Variants in CCDC14 observed in about 807,000 individuals in gnomAD.
CCDC14 encodes the protein coiled-coil domain containing 14, also known as coiled-coil domain-containing protein 14.
Under a neutral mutation model 81.4 loss-of-function variants are expected in CCDC14, and 71 were observed. The observed-to-expected ratio is 0.87, with a 90% CI of 0.72 to 1.06. The LOEUF is 1.06. Ranked by LOEUF, CCDC14 falls within the 50% of genes least tolerant of loss-of-function variation. CCDC14 has a pLI of 0.00. For missense variants in CCDC14, 1,046 were observed against 1,047.3 expected, an observed-to-expected ratio of 1.00 and a Z score of 0.02; for synonymous variants, 332 against 364.8, an observed-to-expected ratio of 0.91 and a Z score of 1.03.
chr3:123,928,403 G>T (rs2035505160), intron 12 of CCDC14, among the ~76,000 whole-genome samples: 1 of 151,570 alleles, frequency 6.6e-6, no homozygotes, highest in South Asian at 2.1e-4. Flanking sequence ...CTACTGGGGA[G>T]GCTGAGGCAG....
At chr3:123,930,624 G>A (rs2035638591) in intron 12 of CCDC14, 2 of 152,532 alleles carry the variant, frequency 1.3e-5, no homozygotes, top group African/African-American at 2.4e-5. Flanking sequence ...TGCTGAAAGA[G>A]GCTGACTTAC....
intron 9 of CCDC14, among the ~76,000 whole-genome samples, chr3:123,939,097 G>A (rs964959173): frequency 1.3e-5 from 2 of 151,708 alleles, no homozygotes; most frequent in Non-Finnish European, 2.9e-5. Flanking sequence ...AGGAGTTCAA[G>A]GGTGTTAAAC....
Position 123,956,028 on chromosome 3 carries a change from G to T in CCDC14, c.229+18C>A, listed in dbSNP as rs1447539630. 2.6e-6 allele frequency: 4 copies of T among 1,520,192 alleles called. No individual in the cohort carries two copies. The highest frequency in any genetic ancestry group is 2.2e-5 in the Admixed American group (1 of 46,162). The allele number at this position is 1,520,192 out of a possible 1,614,324, so 94.2% of individuals were successfully genotyped here. On this transcript the variant is annotated intron_variant, in intron 4 of 12. Transcript: ENST00000409697. ...GACTTGAGATAAGGTGATCAGCAAA[G>T]AATTAAAAAAAAAAAACCTGAATCT...
At chr3:123,923,984 T>C (rs1337621678) in intron 12 of CCDC14, among the ~76,000 whole-genome samples, 2 of 144,804 alleles carry the variant, frequency 1.4e-5, no homozygotes, top group African/African-American at 5.0e-5. Context: ...AAAAAAACCC[T>C]TGAAAAGCCA....
intron 12 of CCDC14, among the ~76,000 whole-genome samples, chr3:123,918,360 A>G (rs2034831132): frequency 6.6e-6 from 1 of 152,148 alleles, no homozygotes; most frequent in Non-Finnish European, 1.5e-5. Flanking sequence ...CTAGGTTATG[A>G]GGAGAGTGAC....
rs538122071 is a variant in CCDC14, at chr3:123,913,671, T to TAA, written c.*1106_*1107dup. On this transcript the variant is annotated 3_prime_UTR_variant, in exon 13 of 13. Coordinates refer to ENST00000409697, the MANE Select transcript of CCDC14 (RefSeq NM_001366335.1). The stretch of plus-strand genomic sequence containing the variant: ...CTTCAAACGCTGTAGCACTAACACC[T>TAA]AAAAAAAAAAAAAAAACCACCAAAA... 3,303 of 896,834 alleles carry TAA rather than the reference T, an allele frequency of 3.7e-3. 12 individuals are homozygous for TAA. Among genetic ancestry groups the TAA allele is most frequent in the African/African-American group, 0.037 (1,766 of 48,370 alleles). The allele number at this position is 896,834 out of a possible 1,614,324, so 55.6% of individuals were successfully genotyped here. A position where few individuals can be genotyped will look rare whatever the true frequency, so the allele number is the denominator to read the frequency against.
chr3:123,940,747 C>T (rs1326647225), intron 9 of CCDC14, among the ~76,000 whole-genome samples: 4 of 151,924 alleles, frequency 2.6e-5, no homozygotes, highest in African/African-American at 9.7e-5. Flanking sequence ...CAGATCTATA[C>T]AAAAAGCTCA....
chr3:123,932,878 C>T (rs1419222921), intron 10 of CCDC14, among the ~76,000 whole-genome samples: 1 of 152,084 alleles, frequency 6.6e-6, no homozygotes, highest in Non-Finnish European at 1.5e-5. Context: ...GTGAGTGGAT[C>T]ACTTGAGGTC....
Position 123,925,444 on chromosome 3 carries a change from C to CT in CCDC14, c.1778+5657dup, listed in dbSNP as rs539628707. On this transcript the variant is annotated intron_variant, in intron 12 of 12. Transcript: ENST00000409697. Reference sequence around the variant, plus strand: ...TCTATTGAACAGTAGGGTGACTATACTTTTTTTTTTAGATGGAGTTTTGTT... The same window carrying CT: ...TCTATTGAACAGTAGGGTGACTATACTTTTTTTTTTTAGATGGAGTTTTGTT... Among the ~76,000 whole-genome samples the CT allele has an allele frequency of 6.1e-5, 9 of 147,888 alleles. No homozygotes were observed. The Admixed American group carries it at 6.1e-4, about 10-fold the overall frequency.
rs2034527736 is a variant in CCDC14 at position 123,914,156 on chromosome 3, G to A, written c.*623C>T. On this transcript the variant is annotated 3_prime_UTR_variant, in exon 13 of 13. Coordinates refer to ENST00000409697, the MANE Select transcript of CCDC14 (RefSeq NM_001366335.1). ...TTTAAAGGCCTTAAAACATGAATTT[G>A]GGATAAAAACAAATAAAAGTGCCCA... 4 of 985,056 alleles carry A rather than the reference G, an allele frequency of 4.1e-6. No homozygotes were observed. The highest frequency in any genetic ancestry group is 4.8e-6 in the Non-Finnish European group (4 of 829,478). The allele number at this position is 985,056 out of a possible 1,614,324, so 61.0% of individuals were successfully genotyped here. A position where few individuals can be genotyped will look rare whatever the true frequency, so the allele number is the denominator to read the frequency against.
chr3:123,919,039 G>A (rs1046653397), intron 12 of CCDC14, among the ~76,000 whole-genome samples: 2 of 152,130 alleles, frequency 1.3e-5, no homozygotes, highest in African/African-American at 4.8e-5. Flanking sequence ...AGAGCATCTG[G>A]TCCCATAAGA....
intron 5 of CCDC14, among the ~76,000 whole-genome samples, chr3:123,949,728 T>C (rs1261192321): frequency 6.6e-6 from 1 of 152,190 alleles, no homozygotes; most frequent in Non-Finnish European, 1.5e-5. Flanking sequence ...TCCAATAACA[T>C]TGTTCATGAA....
At chr3:123,920,030 A>G (rs1392658515) in intron 12 of CCDC14, among the ~76,000 whole-genome samples, 2 of 152,248 alleles carry the variant, frequency 1.3e-5, no homozygotes, top group Non-Finnish European at 2.9e-5. Flanking sequence ...AAAATAATTA[A>G]CAAACAAAAC....
At chr3:123,946,447 G>A (rs2148918196) in intron 8 of CCDC14, among the ~76,000 whole-genome samples, 1 of 152,138 alleles carries the variant, frequency 6.6e-6, no homozygotes, top group East Asian at 1.9e-4. Context: ...TTTTAAAACA[G>A]GAAGAATAAT....
chr3:123,947,302 G>C lies in CCDC14; in HGVS notation c.702C>G (p.Gly234=). 1 of 1,609,368 alleles carries C rather than the reference G, an allele frequency of 6.2e-7. No individual in the cohort carries two copies. The highest frequency in any genetic ancestry group is 1.3e-5 in the African/African-American group (1 of 74,928). The change falls in exon 8 of 13, where the codon GGC becomes GGG. Residue 234 remains glycine, a synonymous_variant. Transcript: ENST00000409697. Reference sequence around the variant, plus strand: ...TACCTTGTGATGCAAACTGACTGTTGCCATCAGTTTGAACTTCCTAAAGAA... The same window carrying C: ...TACCTTGTGATGCAAACTGACTGTTCCCATCAGTTTGAACTTCCTAAAGAA... ...PKVHSEVQTD[G]NSQFASQGKT...
chr3:123,953,951 T>C (rs2037185537), intron 5 of CCDC14: 1 of 152,104 alleles, frequency 6.6e-6, no homozygotes, highest in Admixed American at 6.6e-5. Context: ...ATGAGTCCCT[T>C]TGTAAATAAA....
intron 10 of CCDC14, among the ~76,000 whole-genome samples, chr3:123,932,490 C>T (rs1391986879): frequency 6.6e-6 from 1 of 152,038 alleles, no homozygotes; most frequent in African/African-American, 2.4e-5. Flanking sequence ...ATTAAGCCTT[C>T]ATCATGTCAT....
chr3:123,952,878 T>C (rs879741570), intron 5 of CCDC14: 15 of 212,650 alleles, frequency 7.1e-5, no homozygotes, highest in Non-Finnish European at 1.5e-4. Flanking sequence ...CTTGTATTAT[T>C]GGTTAACAGC....
intron 5 of CCDC14, among the ~76,000 whole-genome samples, chr3:123,904,851 C>G (rs536086182): frequency 4.6e-5 from 7 of 152,238 alleles, no homozygotes; most frequent in African/African-American, 1.4e-4. Context: ...AGAATTTGAT[C>G]AACTGGTCCT....
Sources: gnomAD v4.1 joint callset for allele counts (sites outside exome capture counted in the v4.1 genomes callset) on GRCh38, gnomAD v4.1.1 for gene constraint, MANE v1.5 for transcripts, NCBI Gene and HGNC (gene_info 2026-07-23, HGNC 2026-07-21) for gene names.